The following PAPPA2 variants were observed in gnomAD, a reference collection of about 807,000 sequenced individuals.
PAPPA2 encodes the protein pappalysin 2.
Under a neutral mutation model 176.4 loss-of-function variants are expected in PAPPA2, and 86 were observed. The ratio of observed to expected loss-of-function variants is 0.49; its 90% CI spans 0.41 to 0.58. The LOEUF (loss-of-function observed/expected upper bound fraction) is 0.58. Among genes scored for constraint, PAPPA2 ranks in the 20% least tolerant of loss-of-function variants. The probability of loss-of-function intolerance (pLI) is 0.00; values close to 1 mark genes in which losing one functional copy is unlikely to be tolerated. For missense variants in PAPPA2, 2,073 were observed against 2,256.9 expected (o/e 0.92, Z 1.65); for synonymous variants, 809 against 852.2 (o/e 0.95, Z 0.88).
chr1:176,803,142 T>C (rs1479533425), intron 21 of PAPPA2, among the ~76,000 whole-genome samples: 2 of 152,204 alleles, frequency 1.3e-5, no homozygotes, highest in Non-Finnish European at 2.9e-5. Flanking sequence ...ACTTAGTTAA[T>C]GGAAAACTTT....
At chr1:176,579,083 T>A (rs1432630562) in intron 2 of PAPPA2, among the ~76,000 whole-genome samples, 1 of 152,122 alleles carries the variant, frequency 6.6e-6, no homozygotes, top group Non-Finnish European at 1.5e-5. Context: ...GTCAGGTGAC[T>A]CCATTCTGTC....
chr1:176,692,593 G>A (rs374551097), intron 6 of PAPPA2, among the ~76,000 whole-genome samples: 7 of 152,348 alleles, frequency 4.6e-5, no homozygotes, highest in African/African-American at 1.7e-4. Context: ...TGGCAGAACG[G>A]AGAGGGCATC....
At chr1:176,484,325 G>GT in intron 1 of PAPPA2, among the ~76,000 whole-genome samples, 1 of 152,232 alleles carries the variant, frequency 6.6e-6, no homozygotes, top group South Asian at 2.1e-4. Context: ...TGTATGTGTA[G>GT]TTTTTTTCTG....
At chr1:176,735,618 A>G (rs1253505515) in intron 12 of PAPPA2, among the ~76,000 whole-genome samples, 2 of 152,064 alleles carry the variant, frequency 1.3e-5, no homozygotes, top group Non-Finnish European at 2.9e-5. Context: ...CGTAGTTAAC[A>G]TGCAGCCTTT....
intron 2 of PAPPA2, among the ~76,000 whole-genome samples, chr1:176,569,746 A>C (rs1652208037): frequency 6.6e-6 from 1 of 152,260 alleles, no homozygotes; most frequent in South Asian, 2.1e-4. Flanking sequence ...GTTAATAACA[A>C]ATAACTAATT....
intron 12 of PAPPA2, among the ~76,000 whole-genome samples, chr1:176,722,657 A>T (rs923081736): frequency 2.0e-5 from 3 of 152,118 alleles, no homozygotes; most frequent in African/African-American, 4.8e-5. Context: ...AATACCTCAA[A>T]GGCTAAAGTA....
Position 176,740,096 on chromosome 1 carries a change from G to A in PAPPA2, c.4051G>A (p.Gly1351Ser), listed in dbSNP as rs201219279. Residue 1351 changes from glycine (G) to serine (S), a missense_variant, in exon 14 of 23, where the codon GGC becomes AGC. Physicochemically the swap from Gly to Ser is moderately conservative, Grantham distance 56. Around this residue, in one of 4 missense-constraint regions of PAPPA2, gnomAD observed 846 missense variants for 857.9 expected, o/e 0.99. Coordinates refer to ENST00000367662, the MANE Select transcript of PAPPA2 (RefSeq NM_020318.3). ...VLLNFSSPRV[G>S]ISAVALRTSS... ...GCTGAATTTCTCATCCCCACGGGTC[G>A]GCATCTCAGCTGTGGCTCTAAGGAC... 1.3e-4 allele frequency: 204 copies of A among 1,613,756 alleles called. No homozygotes were observed. In the African/African-American group the frequency reaches 2.3e-3, roughly 18 times the overall value.
chr1:176,587,692 T>A (rs1490841770), intron 2 of PAPPA2, among the ~76,000 whole-genome samples: 1 of 152,214 alleles, frequency 6.6e-6, no homozygotes, highest in Non-Finnish European at 1.5e-5. Flanking sequence ...TACTGTAGAC[T>A]TGTACTATAG....
At chr1:176,605,456 C>A (rs541901403) in intron 3 of PAPPA2, among the ~76,000 whole-genome samples, 1 of 152,332 alleles carries the variant, frequency 6.6e-6, no homozygotes. Flanking sequence ...ACATATTTCT[C>A]TAAATCTTAG....
At chr1:176,575,663 AT>A (rs1652601404) in intron 2 of PAPPA2, among the ~76,000 whole-genome samples, 1 of 152,260 alleles carries the variant, frequency 6.6e-6, no homozygotes, top group East Asian at 1.9e-4. Flanking sequence ...AAAAATGCCC[AT>A]AATTAATAAC....
intron 17 of PAPPA2, among the ~76,000 whole-genome samples, chr1:176,771,692 A>C (rs1406183874): frequency 1.3e-5 from 2 of 152,180 alleles, no homozygotes; most frequent in Admixed American, 6.5e-5. Flanking sequence ...TATAAAACTC[A>C]ACTCATTTTG....
Position 176,767,856 on chromosome 1 carries a change from G to A in PAPPA2, c.4324-1751G>A, listed in dbSNP as rs537273934. 4.6e-5 allele frequency among the ~76,000 whole-genome samples: 7 copies of A among 152,300 alleles called. No individual in the cohort carries two copies. In the South Asian group the frequency reaches 6.2e-4, roughly 14 times the overall value. Reference sequence around the variant, plus strand: ...TGAAGAAAATTATAGAATCCTGGTCGTGATCACAAGACAGTGGGGATATTT... The same window carrying A: ...TGAAGAAAATTATAGAATCCTGGTCATGATCACAAGACAGTGGGGATATTT... On this transcript the variant is annotated intron_variant, in intron 15 of 22. Transcript: ENST00000367662.
At chr1:176,547,119 T>C (rs1441479411) in intron 1 of PAPPA2, among the ~76,000 whole-genome samples, 9 of 152,234 alleles carry the variant, frequency 5.9e-5, no homozygotes, top group African/African-American at 2.2e-4. Context: ...CCATGTAATA[T>C]TTCATGAATC....
intron 20 of PAPPA2, among the ~76,000 whole-genome samples, chr1:176,798,042 G>C (rs1487555118): frequency 3.9e-5 from 6 of 152,108 alleles, no homozygotes; most frequent in Admixed American, 2.6e-4. Flanking sequence ...TGCAATCTAG[G>C]AAAGGATATG....
chr1:176,637,093 G>T (rs765925935), intron 3 of PAPPA2, among the ~76,000 whole-genome samples: 7 of 152,170 alleles, frequency 4.6e-5, no homozygotes, highest in Non-Finnish European at 7.4e-5. Flanking sequence ...GAGTAGGATT[G>T]TAGGCAATGG....
chr1:176,640,272 A>T (rs1236973159), intron 3 of PAPPA2, among the ~76,000 whole-genome samples: 1 of 151,356 alleles, frequency 6.6e-6, no homozygotes, highest in East Asian at 1.9e-4. Flanking sequence ...TACGTGTGCC[A>T]TGCTGGTGCG....
rs1283417708 is a variant in PAPPA2, at chr1:176,638,359, G to GA, written c.1992-32602dup. Reference sequence around the variant, plus strand: ...AAGCCAAAATGAAAAAATAGAAAAAGAAAAAAAAACTGAGTGGCAAGAAGG... The same window carrying GA: ...AAGCCAAAATGAAAAAATAGAAAAAGAAAAAAAAAACTGAGTGGCAAGAAGG... On this transcript the variant is annotated intron_variant, in intron 3 of 22. Transcript: ENST00000367662. Among the ~76,000 whole-genome samples, 29 of 150,934 alleles carry GA rather than the reference G, an allele frequency of 1.9e-4. No individual in the cohort carries two copies. The East Asian group carries it at 2.2e-3, about 11-fold the overall frequency.
At chr1:176,709,883 C>A in intron 10 of PAPPA2, 100 bp from the exon 11 acceptor site, 2 of 1,094,334 alleles carry the variant, frequency 1.8e-6, no homozygotes, top group Non-Finnish European at 2.6e-6. Flanking sequence ...GAATTCTCTT[C>A]AGTGGGCTGG....
chr1:176,706,407 C>A lies in PAPPA2; in HGVS notation c.3414C>A (p.Gly1138=). 4 of 1,613,774 alleles carry A rather than the reference C, an allele frequency of 2.5e-6. No homozygotes were observed. Among genetic ancestry groups the A allele is most frequent in the Non-Finnish European group, 2.5e-6 (3 of 1,179,780 alleles). The change falls in exon 10 of 23, where the codon GGC becomes GGA. Residue 1138 remains glycine (G), a synonymous_variant. Transcript: ENST00000367662. ...ATGGAGACCTTGTGAGCGGAGATGG[C>A]TGCTCCAAGGTGTGTGAGCTGGAGG... The part of the protein sequence containing the change: ...CDDGDLVSGD[G]CSKVCELEEG...
Sources: gnomAD v4.1 joint callset for allele counts (sites outside exome capture counted in the v4.1 genomes callset) on GRCh38, gnomAD v4.1.1 for gene constraint, gnomAD v4.1.1 regional missense constraint, MANE v1.5 for transcripts, NCBI Gene and HGNC (gene_info 2026-07-23, HGNC 2026-07-21) for gene names.